STXBP5L: variants seen among roughly 807,000 people sequenced by gnomAD.
STXBP5L encodes syntaxin binding protein 5L.
In STXBP5L, 65 loss-of-function variants were observed where a neutral mutation model predicts 144.5. That is an observed-to-expected ratio of 0.45 (90% CI 0.37 to 0.55). The LOEUF (loss-of-function observed/expected upper bound fraction) is 0.55. STXBP5L is among the 20% of genes least tolerant of loss of function. The probability of loss-of-function intolerance (pLI) is 0.00; values close to 1 mark genes in which losing one functional copy is unlikely to be tolerated. For missense variants in STXBP5L, 1,298 were observed against 1,405.5 expected (o/e 0.92, Z 1.22); for synonymous variants, 505 against 469.6 (o/e 1.08, Z -0.97).
chr3:121,343,995 A>G (rs1404429659), intron 20 of STXBP5L, among the ~76,000 whole-genome samples: 1 of 152,128 alleles, frequency 6.6e-6, no homozygotes, highest in African/African-American at 2.4e-5. Context: ...CGGACTTCTA[A>G]CTATACTACA....
At chr3:121,183,366 A>G (rs2047234853) in intron 9 of STXBP5L, among the ~76,000 whole-genome samples, 1 of 152,214 alleles carries the variant, frequency 6.6e-6, no homozygotes, top group Admixed American at 6.5e-5. Flanking sequence ...GCTGGACACC[A>G]ATGATATGAT....
chr3:120,978,345 G>A (rs1321618924), intron 3 of STXBP5L, among the ~76,000 whole-genome samples: 1 of 152,080 alleles, frequency 6.6e-6, no homozygotes, highest in East Asian at 1.9e-4. Context: ...ATCAGCTCTT[G>A]AGGCTTCTGC....
At chr3:121,111,119 T>G (rs1043913743) in intron 5 of STXBP5L, among the ~76,000 whole-genome samples, 3 of 152,194 alleles carry the variant, frequency 2.0e-5, no homozygotes, top group African/African-American at 7.2e-5. Context: ...AACTGGTTAT[T>G]CTGGTTAACA....
chr3:121,403,183 C>T (rs755025507), intron 22 of STXBP5L, among the ~76,000 whole-genome samples: 1 of 152,084 alleles, frequency 6.6e-6, no homozygotes, highest in African/African-American at 2.4e-5. Context: ...TCTCCTGTTA[C>T]AGTTACTAAA....
At chr3:120,975,339 T>C (rs1413892593) in intron 3 of STXBP5L, among the ~76,000 whole-genome samples, 111 of 151,918 alleles carry the variant, frequency 7.3e-4, no homozygotes, top group Middle Eastern at 3.4e-3. Context: ...ATTTGGCTCT[T>C]TGTTTGTCTG....
intron 24 of STXBP5L, among the ~76,000 whole-genome samples, chr3:121,413,621 C>T (rs2047170498): frequency 6.6e-6 from 1 of 152,076 alleles, no homozygotes; most frequent in African/African-American, 2.4e-5. Flanking sequence ...AAACTCTCCC[C>T]TCAGGGTGGA....
intron 2 of STXBP5L, among the ~76,000 whole-genome samples, chr3:120,913,357 A>C (rs1169427324): frequency 6.6e-6 from 1 of 151,964 alleles, no homozygotes; most frequent in Admixed American, 6.6e-5. Flanking sequence ...GATGAGTCCT[A>C]GGCACTTGCA....
chr3:121,110,516 G>T (rs1183240648), intron 5 of STXBP5L, among the ~76,000 whole-genome samples: 1 of 152,136 alleles, frequency 6.6e-6, no homozygotes, highest in Non-Finnish European at 1.5e-5. Context: ...GAAATTCTGG[G>T]TTGAGTATTC....
chr3:121,138,994 T>G (rs1256757936), intron 7 of STXBP5L, among the ~76,000 whole-genome samples: 1 of 151,888 alleles, frequency 6.6e-6, no homozygotes, highest in Non-Finnish European at 1.5e-5. Context: ...TATAGAAAAA[T>G]AAATATGTTC....
chr3:121,061,709 T>C (rs2041287517), intron 5 of STXBP5L, among the ~76,000 whole-genome samples: 1 of 152,224 alleles, frequency 6.6e-6, no homozygotes, highest in Non-Finnish European at 1.5e-5. Flanking sequence ...ATTGATCCCT[T>C]TACTATTATG....
At chr3:121,411,607 G>A (rs375991821) in intron 23 of STXBP5L, among the ~76,000 whole-genome samples, 1 of 152,094 alleles carries the variant, frequency 6.6e-6, no homozygotes. Context: ...TAGCCATGGG[G>A]TAAGACAATT....
intron 5 of STXBP5L, among the ~76,000 whole-genome samples, chr3:121,111,009 TC>T (rs2043959551): frequency 6.6e-6 from 1 of 152,210 alleles, no homozygotes; most frequent in African/African-American, 2.4e-5. Context: ...TGAAATTCTT[TC>T]CTCCGCTTGG....
intron 20 of STXBP5L, among the ~76,000 whole-genome samples, chr3:121,334,145 T>A (rs1264354398): frequency 6.6e-6 from 1 of 152,132 alleles, no homozygotes; most frequent in Non-Finnish European, 1.5e-5. Flanking sequence ...CCTTCCACCA[T>A]GATTGTGAAG....
At chr3:121,389,735 A>G (rs2046527622) in intron 22 of STXBP5L, among the ~76,000 whole-genome samples, 1 of 152,218 alleles carries the variant, frequency 6.6e-6, no homozygotes, top group Non-Finnish European at 1.5e-5. Context: ...TTTGAATTGC[A>G]CTGTGGTCTG....
At chr3:121,262,422 G>A (rs1349951503) in intron 18 of STXBP5L, among the ~76,000 whole-genome samples, 1 of 152,178 alleles carries the variant, frequency 6.6e-6, no homozygotes, top group Non-Finnish European at 1.5e-5. Flanking sequence ...CTGAGGTCAG[G>A]AGTTTGAGAC....
intron 22 of STXBP5L, among the ~76,000 whole-genome samples, chr3:121,401,336 C>T (rs542617415): frequency 5.1e-4 from 77 of 152,114 alleles, no homozygotes; most frequent in African/African-American, 1.5e-3. Context: ...GTCAGTGTGG[C>T]GATTCCTCAG....
At chr3:121,026,635 GC>G (rs1560020258) in intron 3 of STXBP5L, among the ~76,000 whole-genome samples, 1 of 151,936 alleles carries the variant, frequency 6.6e-6, no homozygotes, top group Non-Finnish European at 1.5e-5. Flanking sequence ...TGAACATAGG[GC>G]AAAGACTGAA....
At chr3:121,079,305 A>T (rs1354247182) in intron 5 of STXBP5L, among the ~76,000 whole-genome samples, 2 of 152,256 alleles carry the variant, frequency 1.3e-5, no homozygotes, top group Non-Finnish European at 1.5e-5. Context: ...AACATTTCTT[A>T]CATCTTGAGA....
chr3:121,323,679 ATACT>A (rs2044051025), intron 20 of STXBP5L, among the ~76,000 whole-genome samples: 1 of 152,214 alleles, frequency 6.6e-6, no homozygotes, highest in Non-Finnish European at 1.5e-5. Flanking sequence ...CAAAATAAAC[ATACT>A]TCAAATGCAG....
Sources: gnomAD v4.1 joint callset for allele counts (sites outside exome capture counted in the v4.1 genomes callset) on GRCh38, gnomAD v4.1.1 for gene constraint, MANE v1.5 for transcripts, NCBI Gene and HGNC (gene_info 2026-07-23, HGNC 2026-07-21) for gene names.